The following NRXN3 variants were observed in gnomAD, a reference collection of about 807,000 sequenced individuals.
NRXN3 encodes the protein neurexin III.
Under a neutral mutation model 137.6 loss-of-function variants are expected in NRXN3, and 32 were observed. The observed-to-expected ratio is 0.23, with a 90% confidence interval of 0.18 to 0.31. The LOEUF is 0.31. Among genes scored for constraint, NRXN3 ranks in the 10% least tolerant of loss-of-function variants. The pLI, the probability that NRXN3 is intolerant of heterozygous loss-of-function variation, is 1.00. For synonymous variants in NRXN3, 798 were observed against 784.5 expected (o/e 1.02, Z -0.29); for missense variants, 1,574 against 2,062.5 (o/e 0.76, Z 4.59).
At chr14:79,733,344 C>T (rs192266265) in intron 19 of NRXN3, among the ~76,000 whole-genome samples, 117 of 152,230 alleles carry the variant, frequency 7.7e-4, no homozygotes, top group African/African-American at 2.7e-3. Context: ...CCTGGCTTCC[C>T]AATTTGGTTT....
intron 14 of NRXN3, among the ~76,000 whole-genome samples, chr14:78,971,036 G>GA (rs1323242097): frequency 6.6e-6 from 1 of 152,120 alleles, no homozygotes; most frequent in Non-Finnish European, 1.5e-5. Flanking sequence ...AAGTGGCCAG[G>GA]AAAAATGGCC....
intron 15 of NRXN3, among the ~76,000 whole-genome samples, chr14:79,347,329 T>G (rs17513567): frequency 0.038 from 5,736 of 152,132 alleles, 129 homozygotes; most frequent in Middle Eastern, 0.078. Flanking sequence ...TTCAGAAAGA[T>G]CTCATTAAAC....
At chr14:79,615,618 A>G (rs890440486) in intron 16 of NRXN3, among the ~76,000 whole-genome samples, 1 of 152,172 alleles carries the variant, frequency 6.6e-6, no homozygotes, top group Non-Finnish European at 1.5e-5. Flanking sequence ...ACTTACAATC[A>G]TGGTGGAAGG....
chr14:79,186,828 G>A (rs1408445840), intron 15 of NRXN3, among the ~76,000 whole-genome samples: 1 of 152,090 alleles, frequency 6.6e-6, no homozygotes, highest in East Asian at 1.9e-4. Context: ...GCAAAGATAC[G>A]GGTCAAACAT....
At chr14:79,739,536 C>T (rs1041265567) in intron 19 of NRXN3, among the ~76,000 whole-genome samples, 5 of 147,972 alleles carry the variant, frequency 3.4e-5, no homozygotes, top group African/African-American at 1.2e-4. Context: ...GCCAGCTACT[C>T]AGGAGGCTGA....
At chr14:78,518,661 G>A (rs557113819) in intron 4 of NRXN3, among the ~76,000 whole-genome samples, 78 of 152,172 alleles carry the variant, frequency 5.1e-4, no homozygotes, top group African/African-American at 1.8e-3. Context: ...TTTACCAGAG[G>A]CAAGAATTCA....
At chr14:79,756,113 C>T (rs2099018616) in intron 19 of NRXN3, among the ~76,000 whole-genome samples, 1 of 152,152 alleles carries the variant, frequency 6.6e-6, no homozygotes, top group African/African-American at 2.4e-5. Flanking sequence ...GAAAACATAA[C>T]TGGCAGGCAT....
At chr14:79,482,138 C>T (rs1422574976) in intron 16 of NRXN3, among the ~76,000 whole-genome samples, 1 of 152,148 alleles carries the variant, frequency 6.6e-6, no homozygotes, top group Non-Finnish European at 1.5e-5. Flanking sequence ...ATCCTCTTAA[C>T]CTGGTGGCTT....
chr14:78,968,834 A>G (rs138043484), intron 14 of NRXN3, among the ~76,000 whole-genome samples: 2 of 152,360 alleles, frequency 1.3e-5, no homozygotes, highest in African/African-American at 4.8e-5. Context: ...AAATGCCATG[A>G]TGATGGAAGG....
chr14:79,100,192 A>G lies in NRXN3; in HGVS notation c.3262+112051A>G, dbSNP rs114560361. 4.6e-3 allele frequency among the ~76,000 whole-genome samples: 697 copies of G among 152,326 alleles called. 6 individuals are homozygous for G. The highest frequency in any genetic ancestry group is 0.016 in the African/African-American group (656 of 41,584). On this transcript the variant is annotated intron_variant, in intron 15 of 20. Coordinates refer to ENST00000335750, the MANE Select transcript of NRXN3 (RefSeq NM_001330195.2). ...TAAAGGAGAGCCTTTTCATTGAAAT[A>G]GACCTCTGAATCTGTTTTAGCGACT... is the stretch of plus-strand genomic sequence containing the variant.
At chr14:79,715,885 G>A (rs949267468) in intron 19 of NRXN3, among the ~76,000 whole-genome samples, 2 of 152,206 alleles carry the variant, frequency 1.3e-5, no homozygotes, top group Non-Finnish European at 2.9e-5. Context: ...AAAGGAAATA[G>A]CCTATGCTGA....
intron 15 of NRXN3, among the ~76,000 whole-genome samples, chr14:79,051,481 A>G (rs2099641821): frequency 6.6e-6 from 1 of 152,222 alleles, no homozygotes; most frequent in African/African-American, 2.4e-5. Flanking sequence ...GACTGCGGCA[A>G]TGTTGTAATA....
At chr14:78,781,928 A>G (rs2098771331) in intron 8 of NRXN3, among the ~76,000 whole-genome samples, 1 of 152,206 alleles carries the variant, frequency 6.6e-6, no homozygotes, top group Non-Finnish European at 1.5e-5. Flanking sequence ...TGGCTGCTGC[A>G]TCTTCCCAAA....
chr14:79,630,523 G>C (rs574219449), intron 16 of NRXN3, among the ~76,000 whole-genome samples: 1 of 152,214 alleles, frequency 6.6e-6, no homozygotes, highest in Non-Finnish European at 1.5e-5. Context: ...CTTGAATTAG[G>C]TGAAGACTGA....
chr14:78,526,738 G>A (rs767895454), intron 4 of NRXN3: 1 of 517,500 alleles, frequency 1.9e-6, no homozygotes, highest in East Asian at 5.5e-5. Flanking sequence ...CTAAGAGGTA[G>A]GTAGGGATGA....
At chr14:79,148,158 G>T (rs551686497) in intron 15 of NRXN3, among the ~76,000 whole-genome samples, 1 of 152,200 alleles carries the variant, frequency 6.6e-6, no homozygotes, top group Non-Finnish European at 1.5e-5. Context: ...CAGTAAGCAA[G>T]TGAACAGATA....
intron 15 of NRXN3, chr14:79,279,657 C>A: frequency 1.0e-6 from 1 of 986,810 alleles, no homozygotes; most frequent in Non-Finnish European, 1.2e-6. Flanking sequence ...AGGAAGCCGG[C>A]GGCTGCTCCG....
chr14:79,757,765 G>A (rs2139307428), intron 19 of NRXN3, among the ~76,000 whole-genome samples: 1 of 152,224 alleles, frequency 6.6e-6, no homozygotes, highest in African/African-American at 2.4e-5. Context: ...TATGTGAGAT[G>A]AAGGATTAAA....
chr14:79,076,652 T>C (rs530096662), intron 15 of NRXN3, among the ~76,000 whole-genome samples: 2 of 152,350 alleles, frequency 1.3e-5, no homozygotes, highest in South Asian at 4.1e-4. Context: ...ACCTCTACTG[T>C]ATTCTATTCA....
Sources: gnomAD v4.1 joint callset for allele counts (sites outside exome capture counted in the v4.1 genomes callset) on GRCh38, gnomAD v4.1.1 for gene constraint, MANE v1.5 for transcripts, NCBI Gene and HGNC (gene_info 2026-07-23, HGNC 2026-07-21) for gene names.